The following PHC3 variants were observed in gnomAD, a reference collection of about 807,000 sequenced individuals.
The protein encoded by PHC3 is polyhomeotic homolog 3.
In PHC3, 13 loss-of-function variants were observed where a neutral mutation model predicts 107.4. The ratio of observed to expected loss-of-function variants is 0.12; its 90% confidence interval spans 0.08 to 0.19. The LOEUF is 0.19. PHC3 is among the 10% of genes least tolerant of loss of function. The probability of loss-of-function intolerance (pLI) is 1.00; values close to 1 mark genes in which losing one functional copy is unlikely to be tolerated. For synonymous variants in PHC3, 456 were observed against 427.4 expected (o/e 1.07, Z -0.83); for missense variants, 992 against 1,210.9 (o/e 0.82, Z 2.68).
chr3:170,159,050 G>A (rs1186816972), intron 4 of PHC3, among the ~76,000 whole-genome samples: 1 of 152,000 alleles, frequency 6.6e-6, no homozygotes, highest in South Asian at 2.1e-4. Context: ...AGGAGATCGA[G>A]ACCATCCTGG....
At chr3:170,116,987 A>C in intron 10 of PHC3, 1 of 496,268 alleles carries the variant, frequency 2.0e-6, no homozygotes, top group Admixed American at 3.4e-5. Context: ...AAAAATTATA[A>C]AAATATGTCC....
chr3:170,172,438 C>T (rs1306054964), intron 3 of PHC3, 119 bp downstream of exon 3: 53 of 1,085,758 alleles, frequency 4.9e-5, no homozygotes, highest in Non-Finnish European at 6.8e-5. Context: ...ATATTTCCTC[C>T]GGGAAAAATA....
chr3:170,130,953 ATT>A (rs1332745101), intron 7 of PHC3, among the ~76,000 whole-genome samples: 1 of 152,142 alleles, frequency 6.6e-6, no homozygotes, highest in Non-Finnish European at 1.5e-5. Flanking sequence ...GAAAGACTAT[ATT>A]ATACCTTACA....
intron 2 of PHC3, among the ~76,000 whole-genome samples, chr3:170,173,628 T>C (rs1267880132): frequency 6.6e-6 from 1 of 152,232 alleles, no homozygotes. Context: ...TTAATTTTAA[T>C]GTAAACAGCC....
At position 170,128,799 on chromosome 3, in the gene PHC3, T is replaced by C. The variant is rs754388660; in HGVS notation, c.1673A>G (p.Glu558Gly). 6.2e-7 allele frequency: 1 copy of C among 1,613,992 alleles called. No homozygotes were observed. The highest frequency in any genetic ancestry group is 8.5e-7 in the Non-Finnish European group (1 of 1,179,878). Residue 558 changes from glutamate (E) to glycine (G), a missense_variant, in exon 8 of 15, where the codon GAG becomes GGG. Coordinates refer to ENST00000495893, the MANE Select transcript of PHC3 (RefSeq NM_024947.4). Reference protein sequence around the residue: ...VLVQNALVSEEELPAAEALVQ... With the variant: ...VLVQNALVSEGELPAAEALVQ... ...CAAAGCTTCTGCAGCTGGAAGTTCC[T>C]CTTCTGACACCAAAGCATTCTGCAC...
At chr3:170,159,754 G>T (rs570725494) in intron 4 of PHC3, among the ~76,000 whole-genome samples, 1 of 152,154 alleles carries the variant, frequency 6.6e-6, no homozygotes, top group Admixed American at 6.5e-5. Context: ...AAGCAAACAG[G>T]CATATCTCAA....
chr3:170,151,182 G>A (rs376931580), intron 4 of PHC3, among the ~76,000 whole-genome samples: 13 of 152,300 alleles, frequency 8.5e-5, no homozygotes, highest in African/African-American at 3.1e-4. Flanking sequence ...CTACACTCCA[G>A]CCTGGGCAAC....
chr3:170,136,286 TAAG>T (rs1425227410), intron 7 of PHC3, 130 bp downstream of exon 7: 1 of 1,078,740 alleles, frequency 9.3e-7, no homozygotes, highest in African/African-American at 1.6e-5. Context: ...ACATTAAGAT[TAAG>T]TTTATAAAAT....
intron 6 of PHC3, among the ~76,000 whole-genome samples, chr3:170,144,978 G>C (rs1245152149): frequency 6.6e-6 from 1 of 152,166 alleles, no homozygotes; most frequent in East Asian, 1.9e-4. Flanking sequence ...AAAGTGCTGG[G>C]ATTACAGGCA....
rs902369312 is a variant in PHC3 at position 170,088,341 on chromosome 3, T to C, written c.*8889A>G. 2.0e-5 allele frequency: 3 copies of C among 152,146 alleles called. No individual in the cohort carries two copies. Among genetic ancestry groups the C allele is most frequent in the Non-Finnish European group, 4.4e-5 (3 of 68,018 alleles). 9.4% of individuals were successfully genotyped at this position (152,146 alleles called of 1,614,324 possible). A position where few individuals can be genotyped will look rare whatever the true frequency, so the allele number is the denominator to read the frequency against. Reference sequence around the variant, plus strand: ...AAAAAACACCAGTTTATCACAACAATTGGTCTTTGCTAAAATTAACAAAAT... The same window carrying C: ...AAAAAACACCAGTTTATCACAACAACTGGTCTTTGCTAAAATTAACAAAAT... On this transcript the variant is annotated 3_prime_UTR_variant, in exon 15 of 15. Transcript: ENST00000495893.
At chr3:170,114,010 A>AT (rs1718391419) in intron 10 of PHC3, among the ~76,000 whole-genome samples, 1 of 151,854 alleles carries the variant, frequency 6.6e-6, no homozygotes, top group African/African-American at 2.4e-5. Flanking sequence ...TTTCCTTTAT[A>AT]AATTTTAGCG....
rs148039100 is a variant in PHC3 at position 170,115,877 on chromosome 3, T to TCACACACACACA, written c.2193+1337_2193+1348dup. On this transcript the variant is annotated intron_variant, in intron 10 of 14. Transcript: ENST00000495893. Reference sequence around the variant, plus strand: ...AATTGTTATAGGAAATCCAAGTTTCTCACACACACACACACACACACACAC... The same window carrying TCACACACACACA: ...AATTGTTATAGGAAATCCAAGTTTCTCACACACACACACACACACACACACACACACACACAC... 6.9e-3 allele frequency among the ~76,000 whole-genome samples: 1,031 copies of TCACACACACACA among 148,552 alleles called. 3 individuals carry two copies. Among genetic ancestry groups the TCACACACACACA allele is most frequent in the Middle Eastern group, 0.014 (4 of 278 alleles).
At position 170,095,316 on chromosome 3, in the gene PHC3, C is replaced by A. The variant is rs2108237994; in HGVS notation, c.*1914G>T. The A allele has an allele frequency of 6.6e-6, 1 of 152,126 alleles. No individual in the cohort carries two copies. Among genetic ancestry groups the A allele is most frequent in the East Asian group, 1.9e-4 (1 of 5,174 alleles). 9.4% of individuals were successfully genotyped at this position (152,126 alleles called of 1,614,324 possible). ...GCTATCGTAGGTCTGGAACATGAGC[C>A]TTATATTATATTACATATTCTAATC... On this transcript the variant is annotated 3_prime_UTR_variant, in exon 15 of 15. Coordinates refer to ENST00000495893, the MANE Select transcript of PHC3 (RefSeq NM_024947.4).
intron 4 of PHC3, among the ~76,000 whole-genome samples, chr3:170,154,142 A>C (rs1726502694): frequency 6.6e-6 from 1 of 152,192 alleles, no homozygotes; most frequent in Non-Finnish European, 1.5e-5. Flanking sequence ...TAATTTCTTT[A>C]AGGGTGGGGG....
At chr3:170,130,413 C>G (rs1175670527) in intron 7 of PHC3, among the ~76,000 whole-genome samples, 3 of 152,012 alleles carry the variant, frequency 2.0e-5, no homozygotes, top group Non-Finnish European at 4.4e-5. Context: ...TCATTTGACC[C>G]AGGAAGAGAA....
intron 4 of PHC3, among the ~76,000 whole-genome samples, chr3:170,168,368 A>C (rs1195682397): frequency 6.6e-6 from 1 of 152,172 alleles, no homozygotes; most frequent in Non-Finnish European, 1.5e-5. Flanking sequence ...TTTAACTTCC[A>C]TTTTAAAATT....
At chr3:170,158,040 C>T (rs964907146) in intron 4 of PHC3, among the ~76,000 whole-genome samples, 1 of 151,684 alleles carries the variant, frequency 6.6e-6, no homozygotes, top group African/African-American at 2.4e-5. Context: ...AATAAAGAAA[C>T]AAACCATTTG....
At chr3:170,156,862 T>C (rs1244142595) in intron 4 of PHC3, among the ~76,000 whole-genome samples, 1 of 152,220 alleles carries the variant, frequency 6.6e-6, no homozygotes, top group Non-Finnish European at 1.5e-5. Context: ...CCCAAAATGC[T>C]GGGATTACAG....
At chr3:170,164,616 G>T (rs1269299293) in intron 4 of PHC3, among the ~76,000 whole-genome samples, 1 of 151,914 alleles carries the variant, frequency 6.6e-6, no homozygotes, top group Non-Finnish European at 1.5e-5. Context: ...ACCCCAAAAG[G>T]TAAAGGAAAA....
Sources: allele counts gnomAD v4.1 joint callset (sites outside exome capture counted in the v4.1 genomes callset), GRCh38; gene constraint gnomAD v4.1.1; transcripts MANE v1.5; gene names NCBI Gene and HGNC (gene_info 2026-07-23, HGNC 2026-07-21).